PTCH1: variants seen among roughly 807,000 people sequenced by gnomAD.
PTCH1 encodes patched 1.
In PTCH1, 14 loss-of-function variants were observed where a neutral mutation model predicts 144.6. The observed-to-expected ratio is 0.10, with a 90% CI of 0.06 to 0.15. The LOEUF is 0.15. Among genes scored for constraint, PTCH1 ranks in the 10% least tolerant of loss-of-function variants. The pLI is 1.00. For missense variants in PTCH1, 1,623 were observed against 1,948.3 expected (o/e 0.83, Z 3.14); for synonymous variants, 833 against 793.6 (o/e 1.05, Z -0.83).
Position 95,447,197 on chromosome 9 carries a change from C to T in PTCH1, c.4059G>A (p.Ala1353=), listed in dbSNP as rs368110756. The change falls in exon 23 of 24, where the codon GCG becomes GCA. Residue 1353 remains alanine, a synonymous_variant. Transcript: ENST00000331920. ...GCACGGAGCTGCCCATGGCAGTGGACGCTGGGTTCCGAGGGTTGTGAGAAC... is the reference window on the plus strand; with the variant it reads ...GCACGGAGCTGCCCATGGCAGTGGATGCTGGGTTCCGAGGGTTGTGAGAAC... The part of the protein sequence containing the change: ...GARSHNPRNP[A]STAMGSSVPG... 45 of 1,612,862 alleles carry T rather than the reference C, an allele frequency of 2.8e-5. No individual in the cohort carries two copies. Among genetic ancestry groups the T allele is most frequent in the Middle Eastern group, 1.6e-4 (1 of 6,082 alleles).
chr9:95,466,275 G>C lies in PTCH1; in HGVS notation c.2560+841C>G, dbSNP rs1839989396. Among the ~76,000 whole-genome samples the C allele has an allele frequency of 4.6e-5, 7 of 152,270 alleles. No homozygotes were observed. The South Asian group carries it at 1.5e-3, about 32-fold the overall frequency. ...TAGGCCAGGCTGGTCTCGAACTCCT[G>C]ACCTCAGGTGATCTGCCCGCCTTGG... On this transcript the variant is annotated intron_variant, in intron 15 of 23. Transcript: ENST00000331920.
rs1843922797 is a variant in PTCH1 at position 95,508,410 on chromosome 9, G to A, written c.-49C>T. The A allele has an allele frequency of 2.8e-5, 30 of 1,072,864 alleles. No individual in the cohort carries two copies. Among genetic ancestry groups the A allele is most frequent in the Non-Finnish European group, 3.2e-5 (28 of 888,802 alleles). 66.5% of individuals were successfully genotyped at this position (1,072,864 alleles called of 1,614,324 possible). A position where few individuals can be genotyped will look rare whatever the true frequency, so the allele number is the denominator to read the frequency against. Reference sequence around the variant, plus strand: ...CGCGGGGACGGAGGCTTCCCGGGCGGCCCGGCGCGCTGCTGCCGCTGCTGC... The same window carrying A: ...CGCGGGGACGGAGGCTTCCCGGGCGACCCGGCGCGCTGCTGCCGCTGCTGC... On this transcript the variant is annotated 5_prime_UTR_variant, in exon 1 of 24. Coordinates refer to ENST00000331920, the MANE Select transcript of PTCH1 (RefSeq NM_000264.5).
intron 4 of PTCH1, 29 bp from the exon 5 acceptor site, chr9:95,482,069 C>A (rs369072583): frequency 1.9e-6 from 3 of 1,610,856 alleles, no homozygotes; most frequent in African/African-American, 1.3e-5. Flanking sequence ...AGAGGCCATG[C>A]GTTAGGTTAA....
chr9:95,478,184 C>T lies in PTCH1; in HGVS notation c.1218G>A (p.Val406=), dbSNP rs753586235. The T allele has an allele frequency of 7.4e-6, 12 of 1,614,148 alleles. No homozygotes were observed. Among genetic ancestry groups the T allele is most frequent in the South Asian group, 1.1e-5 (1 of 91,076 alleles). ...LEAWQRTYVE[V]VHQSVAQNST... is the part of the protein sequence containing the mutation. ...AGTTCTGTGCGACACTCTGATGAAC[C>T]ACCTGTGGTCACAACAGAATGCGAA... The change falls in exon 9 of 24, where the codon GTG becomes GTA. Residue 406 remains valine (V), a splice_region_variant and synonymous_variant. Transcript: ENST00000331920.
rs1470666728 is a variant in PTCH1 at position 95,449,448 on chromosome 9, CG to C, written c.3550-126del. ...TGCCCTGGGGCCCTGCGCACTGTGC[CG>C]TATTAACCTCCCCTTCTCTACCACC... On this transcript the variant is annotated intron_variant, in intron 21 of 23. Coordinates refer to ENST00000331920, the MANE Select transcript of PTCH1 (RefSeq NM_000264.5). The surrounding 1 kb of genome is among the most constrained non-coding windows in gnomAD (Gnocchi z 5.3). The C allele has an allele frequency of 4.5e-6, 6 of 1,347,286 alleles. No individual in the cohort carries two copies. Among genetic ancestry groups the C allele is most frequent in the Non-Finnish European group, 6.1e-6 (6 of 977,558 alleles). 83.5% of individuals were successfully genotyped at this position (1,347,286 alleles called of 1,614,324 possible). A position where few individuals can be genotyped will look rare whatever the true frequency, so the allele number is the denominator to read the frequency against.
chr9:95,506,268 A>G (rs865964629), intron 2 of PTCH1, 139 bp downstream of exon 2: 344 of 1,036,580 alleles, frequency 3.3e-4, no homozygotes, highest in Middle Eastern at 2.9e-3. Flanking sequence ...CAGGCGCCCA[A>G]ACAATAAACA....
intron 18 of PTCH1, 75 bp downstream of exon 18, chr9:95,457,938 C>T: frequency 1.9e-6 from 3 of 1,591,512 alleles, no homozygotes; most frequent in South Asian, 1.1e-5. Context: ...CAGACATAAA[C>T]AAAACTTCCC....
intron 2 of PTCH1, among the ~76,000 whole-genome samples, chr9:95,489,257 T>C (rs1379190146): frequency 6.6e-6 from 1 of 152,242 alleles, no homozygotes; most frequent in Non-Finnish European, 1.5e-5. Context: ...TTATCATCCC[T>C]AAGTGTGAAG....
intron 16 of PTCH1, among the ~76,000 whole-genome samples, chr9:95,461,331 C>T (rs1429783303): frequency 6.6e-6 from 1 of 152,184 alleles, no homozygotes; most frequent in African/African-American, 2.4e-5. Context: ...CATCACAGAG[C>T]GATCTGTCTA....
chr9:95,495,445 C>A (rs957783940), intron 2 of PTCH1: 2 of 148,054 alleles, frequency 1.4e-5, no homozygotes, highest in African/African-American at 5.0e-5. Flanking sequence ...TTTTTTAAAT[C>A]TATAAAGAAT....
At chr9:95,505,876 G>A (rs1344506597) in intron 2 of PTCH1, among the ~76,000 whole-genome samples, 2 of 148,640 alleles carry the variant, frequency 1.3e-5, no homozygotes, top group Non-Finnish European at 3.0e-5. Flanking sequence ...GCAGCCCCGC[G>A]CTGCGCCCGC....
intron 3 of PTCH1, among the ~76,000 whole-genome samples, chr9:95,484,892 C>T (rs1253313247): frequency 6.6e-6 from 1 of 152,202 alleles, no homozygotes; most frequent in Non-Finnish European, 1.5e-5. Flanking sequence ...CAATACGATG[C>T]TAAAACATGA....
At chr9:95,481,799 C>T (rs1588613558) in intron 5 of PTCH1, 150 bp downstream of exon 5, 2 of 757,950 alleles carry the variant, frequency 2.6e-6, no homozygotes, top group African/African-American at 1.7e-5. Flanking sequence ...ATCCCCTCTC[C>T]CCCGACTATT....
At chr9:95,514,619 AAG>A (rs1491107170) in intron 1 of PTCH1, 1 of 134,130 alleles carries the variant, frequency 7.5e-6, no homozygotes, top group Non-Finnish European at 1.5e-5. Flanking sequence ...GAGAAAATAA[AAG>A]GTGTGTGTGT....
At chr9:95,454,370 C>T (rs1478413213) in intron 19 of PTCH1, among the ~76,000 whole-genome samples, 2 of 152,158 alleles carry the variant, frequency 1.3e-5, no homozygotes, top group Non-Finnish European at 2.9e-5. Flanking sequence ...TGGATTATGC[C>T]GAGAGGAGAG....
intron 2 of PTCH1, among the ~76,000 whole-genome samples, chr9:95,501,490 T>C (rs897707450): frequency 1.3e-5 from 2 of 151,990 alleles, no homozygotes; most frequent in Admixed American, 6.6e-5. Flanking sequence ...TTGAAAGCAC[T>C]TACACATACC....
At chr9:95,504,756 C>G (rs577680433) in intron 2 of PTCH1, among the ~76,000 whole-genome samples, 63 of 152,304 alleles carry the variant, frequency 4.1e-4, no homozygotes, top group African/African-American at 1.5e-3. Flanking sequence ...TCTCTCCCCC[C>G]ACCCCCTACC....
chr9:95,481,285 G>A (rs1401809922), intron 5 of PTCH1, among the ~76,000 whole-genome samples: 1 of 152,200 alleles, frequency 6.6e-6, no homozygotes, highest in Non-Finnish European at 1.5e-5. Context: ...GTACACTGAA[G>A]GTCAGGGGAT....
chr9:95,468,983 T>C lies in PTCH1; in HGVS notation c.2018A>G (p.His673Arg). Residue 673 changes from histidine (H) to arginine (R), a missense_variant, in exon 14 of 24, where the codon CAC becomes CGC. Physicochemically the swap from His to Arg is conservative, Grantham distance 29. Around this residue, in one of 7 missense-constraint regions of PTCH1, gnomAD observed 179 missense variants for 165.7 expected, o/e 1.08. Transcript: ENST00000331920. ...QLRTEYDPHT[H>R]VYYTTAEPRS... Reference sequence around the variant, plus strand: ...CGGCTCAGCGGTGGTGTAGTACACGTGCGTGTGGGGGTCGTACTCCGTGCG... The same window carrying C: ...CGGCTCAGCGGTGGTGTAGTACACGCGCGTGTGGGGGTCGTACTCCGTGCG... 1 of 1,613,860 alleles carries C rather than the reference T, an allele frequency of 6.2e-7. No individual in the cohort carries two copies. Among genetic ancestry groups the C allele is most frequent in the Non-Finnish European group, 8.5e-7 (1 of 1,179,994 alleles).
Sources: allele counts gnomAD v4.1 joint callset (sites outside exome capture counted in the v4.1 genomes callset), GRCh38; gene constraint gnomAD v4.1.1; regional missense constraint gnomAD v4.1.1; non-coding constraint Gnocchi (gnomAD v3.1); transcripts MANE v1.5; gene names NCBI Gene and HGNC (gene_info 2026-07-23, HGNC 2026-07-21).